The following ADCY8 variants were observed in gnomAD, a reference collection of about 807,000 sequenced individuals.
The protein encoded by ADCY8 is adenylate cyclase 8, also known as adenylate cyclase type 8.
Under a neutral mutation model 119.7 loss-of-function variants are expected in ADCY8, and 51 were observed. The observed-to-expected ratio is 0.43, with a 90% CI of 0.34 to 0.54. The LOEUF is 0.54. Ranked by LOEUF, ADCY8 falls within the 20% of genes least tolerant of loss-of-function variation. The probability of loss-of-function intolerance (pLI) is 0.03; values close to 1 mark genes in which losing one functional copy is unlikely to be tolerated. For missense variants in ADCY8, 1,383 were observed against 1,598.8 expected (o/e 0.87, Z 2.30); for synonymous variants, 665 against 651.0 (o/e 1.02, Z -0.33).
rs1311468563 is a variant in ADCY8, at chr8:130,990,425, T to A, written c.1078A>T (p.Arg360Trp). Residue 360 changes from arginine (R) to tryptophan (W), a missense_variant, in exon 2 of 18, where the codon AGG (arginine) becomes TGG (tryptophan). By Grantham distance (101) the Arg-to-Trp change is moderately radical (BLOSUM62 -3). Around this residue, in one of 2 missense-constraint regions of ADCY8, gnomAD observed 928 missense variants for 1,163.5 expected, o/e 0.80. Coordinates refer to ENST00000286355, the MANE Select transcript of ADCY8 (RefSeq NM_001115.3). ...FLETRRCVEA[R>W]LRLETENQRQ... ...TGGTTCTCTGTCTCCAGGCGCAGCC[T>A]GGCCTCCACACACCTCCGAGTCTCC... 6.2e-7 allele frequency: 1 copy of A among 1,614,182 alleles called. No homozygotes were observed. Among genetic ancestry groups the A allele is most frequent in the South Asian group, 1.1e-5 (1 of 91,088 alleles).
At chr8:130,980,165 T>C (rs1010938246) in intron 2 of ADCY8, among the ~76,000 whole-genome samples, 3 of 152,200 alleles carry the variant, frequency 2.0e-5, no homozygotes, top group Admixed American at 6.5e-5. Flanking sequence ...TTCCTGCTCC[T>C]GCCTCTGGGA....
chr8:130,877,549 C>T (rs1262419751), intron 8 of ADCY8, among the ~76,000 whole-genome samples: 1 of 152,144 alleles, frequency 6.6e-6, no homozygotes, highest in Non-Finnish European at 1.5e-5. Flanking sequence ...GAAGTGTGGA[C>T]AGAAAGACAA....
At chr8:130,873,413 G>A (rs1818438920) in intron 8 of ADCY8, among the ~76,000 whole-genome samples, 1 of 151,982 alleles carries the variant, frequency 6.6e-6, no homozygotes, top group Non-Finnish European at 1.5e-5. Flanking sequence ...CCACCTTGCA[G>A]GTTCAAGTGA....
intron 10 of ADCY8, among the ~76,000 whole-genome samples, chr8:130,848,812 C>T (rs1175860401): frequency 3.3e-5 from 5 of 152,176 alleles, no homozygotes; most frequent in African/African-American, 1.2e-4. Context: ...CTATAGCTAC[C>T]ATGGTACAAT....
intron 2 of ADCY8, among the ~76,000 whole-genome samples, chr8:130,965,534 T>A (rs1821736335): frequency 6.6e-6 from 1 of 152,206 alleles, no homozygotes; most frequent in Admixed American, 6.5e-5. Flanking sequence ...GCCTACATCA[T>A]CAGGCTACAT....
chr8:130,817,240 T>C (rs1268517301), intron 13 of ADCY8, among the ~76,000 whole-genome samples: 2 of 152,160 alleles, frequency 1.3e-5, no homozygotes, highest in African/African-American at 4.8e-5. Flanking sequence ...AGATACAAGA[T>C]TGATGAAGTT....
At chr8:130,882,881 C>T (rs377764843) in intron 8 of ADCY8, among the ~76,000 whole-genome samples, 1 of 152,036 alleles carries the variant, frequency 6.6e-6, no homozygotes, top group Non-Finnish European at 1.5e-5. Flanking sequence ...AAGAATATCT[C>T]GGTGACAGGA....
rs1019369343 is a variant in ADCY8, at chr8:131,039,599, G to A, written c.735C>T (p.Ser245=). 2.5e-6 allele frequency: 4 copies of A among 1,613,808 alleles called. No homozygotes were observed. Among genetic ancestry groups the A allele is most frequent in the Non-Finnish European group, 3.4e-6 (4 of 1,180,006 alleles). ...DTTSHTYLQY[S]GVVTWVAMTT... ...TCATGGCCACCCAGGTGACCACGCC[G>A]CTGTACTGCAGGTACGTGTGGGAGG... The change falls in exon 1 of 18, where the codon AGC becomes AGT. Residue 245 remains serine, a synonymous_variant. Coordinates refer to ENST00000286355, the MANE Select transcript of ADCY8 (RefSeq NM_001115.3).
At chr8:130,907,314 C>A (rs1586559346) in intron 6 of ADCY8, among the ~76,000 whole-genome samples, 1 of 151,924 alleles carries the variant, frequency 6.6e-6, no homozygotes, top group East Asian at 1.9e-4. Flanking sequence ...GAGAACCGTT[C>A]TTCTAGAAAC....
intron 12 of ADCY8, among the ~76,000 whole-genome samples, chr8:130,825,982 G>GC: frequency 6.6e-6 from 1 of 152,260 alleles, no homozygotes; most frequent in African/African-American, 2.4e-5. Flanking sequence ...CCACAGTACT[G>GC]GGCATGGCAA....
chr8:130,937,222 G>A (rs1404372010), intron 4 of ADCY8, 22 bp from the exon 5 acceptor site: 1 of 1,609,000 alleles, frequency 6.2e-7, no homozygotes, highest in Non-Finnish European at 8.5e-7. Context: ...AGGATAAGAG[G>A]GAAAGGTCTA....
intron 14 of ADCY8, among the ~76,000 whole-genome samples, chr8:130,801,527 C>T (rs563659646): frequency 1.3e-5 from 2 of 152,218 alleles, no homozygotes; most frequent in Non-Finnish European, 2.9e-5. Context: ...CTAGCCTCCT[C>T]TCCCTGCTCC....
At chr8:131,018,605 T>C (rs1823555182) in intron 1 of ADCY8, among the ~76,000 whole-genome samples, 1 of 152,224 alleles carries the variant, frequency 6.6e-6, no homozygotes, top group Admixed American at 6.5e-5. Flanking sequence ...CTTACAGGCT[T>C]GGCACCACTC....
intron 2 of ADCY8, among the ~76,000 whole-genome samples, chr8:130,979,233 TG>T (rs1822166015): frequency 6.6e-6 from 1 of 152,136 alleles, no homozygotes; most frequent in Non-Finnish European, 1.5e-5. Flanking sequence ...TCACTGTGGG[TG>T]GGAGCCTTCA....
At chr8:130,994,294 TC>T (rs1161064879) in intron 1 of ADCY8, among the ~76,000 whole-genome samples, 1 of 152,220 alleles carries the variant, frequency 6.6e-6, no homozygotes, top group African/African-American at 2.4e-5. Context: ...AAATGAGTGA[TC>T]CATTTGTAAA....
chr8:130,885,123 A>G (rs1217374569), intron 7 of ADCY8, among the ~76,000 whole-genome samples: 3 of 152,144 alleles, frequency 2.0e-5, no homozygotes, highest in African/African-American at 7.2e-5. Flanking sequence ...ATATATGTTA[A>G]AAGTCCCCAA....
intron 2 of ADCY8, among the ~76,000 whole-genome samples, chr8:130,973,589 A>G (rs1396009423): frequency 6.6e-6 from 1 of 152,244 alleles, no homozygotes; most frequent in Non-Finnish European, 1.5e-5. Flanking sequence ...CAGCCAACAC[A>G]CATTTGTGAG....
intron 2 of ADCY8, among the ~76,000 whole-genome samples, chr8:130,984,126 A>G (rs768900817): frequency 6.6e-6 from 1 of 150,584 alleles, no homozygotes; most frequent in African/African-American, 2.5e-5. Context: ...AGAGGACAAG[A>G]GCTTGCATGG....
chr8:130,921,505 G>A (rs1448283715), intron 5 of ADCY8, among the ~76,000 whole-genome samples: 1 of 144,256 alleles, frequency 6.9e-6, no homozygotes, highest in East Asian at 2.0e-4. Context: ...GGCTAGGGTA[G>A]TGCAATGGCA....
Sources: gnomAD v4.1 joint callset for allele counts (sites outside exome capture counted in the v4.1 genomes callset) on GRCh38, gnomAD v4.1.1 for gene constraint, gnomAD v4.1.1 regional missense constraint, MANE v1.5 for transcripts, NCBI Gene and HGNC (gene_info 2026-07-23, HGNC 2026-07-21) for gene names.